Variants in OTOA observed in about 807,000 individuals in gnomAD.
OTOA encodes the protein cancer/testis antigen 108.
OTOA carries 70 observed loss-of-function variants against 110.8 expected under a neutral mutation model. The ratio of observed to expected loss-of-function variants is 0.63; its 90% CI spans 0.52 to 0.77. The LOEUF is 0.77. Ranked by LOEUF, OTOA falls within the 30% of genes least tolerant of loss-of-function variation. OTOA has a pLI of 0.00. For synonymous variants in OTOA, 373 were observed against 431.5 expected, an observed-to-expected ratio of 0.86 and a Z score of 1.68; for missense variants, 917 against 1,075.8, an observed-to-expected ratio of 0.85 and a Z score of 2.06.
At chr16:21,719,294 AG>A in intron 16 of OTOA, 92 bp from the exon 17 acceptor site, 2 of 1,557,386 alleles carry the variant, frequency 1.3e-6, no homozygotes, top group South Asian at 2.2e-5. Context: ...TCACATCTGT[AG>A]CTTGTATCTG....
At chr16:21,732,467 GTCTTTTATCCC>G in intron 21 of OTOA, among the ~76,000 whole-genome samples, 1 of 152,128 alleles carries the variant, frequency 6.6e-6, no homozygotes, top group South Asian at 2.1e-4. Flanking sequence ...CATATTTGTA[GTCTTTTATCCC>G]TTGGCCCCTC....
chr16:21,720,914 T>C (rs1597840843), intron 17 of OTOA, among the ~76,000 whole-genome samples: 1 of 149,456 alleles, frequency 6.7e-6, no homozygotes, highest in Admixed American at 6.7e-5. Context: ...TTATTATTAT[T>C]ATTATTATCA....
At chr16:21,673,783 T>TTGTG (rs1212231756) in intron 1 of OTOA, among the ~76,000 whole-genome samples, 28 of 152,044 alleles carry the variant, frequency 1.8e-4, no homozygotes, top group Non-Finnish European at 1.8e-4. Context: ...TGTACAGGTT[T>TTGTG]TGTTTGTTTG....
chr16:21,755,428 A>G (rs1899947660), intron 27 of OTOA, among the ~76,000 whole-genome samples: 2 of 94,642 alleles, frequency 2.1e-5, no homozygotes, highest in African/African-American at 7.7e-5. Flanking sequence ...CCAAAAAAGT[A>G]CCTCTCTGAC....
At position 21,736,417 on chromosome 16, in the gene OTOA, A is replaced by G. The variant is rs17251310; in HGVS notation, c.2431+27A>G. On this transcript the variant is annotated intron_variant, in intron 22 of 28. Coordinates refer to ENST00000646100, the MANE Select transcript of OTOA (RefSeq NM_144672.4). ...TGAGTGTTTTCAGGGTATCTGAGCCATTGCTGACATAGTAATTAATGTTTT... is the reference window on the plus strand; with the variant it reads ...TGAGTGTTTTCAGGGTATCTGAGCCGTTGCTGACATAGTAATTAATGTTTT... 168,904 of 1,613,042 alleles carry G rather than the reference A, an allele frequency of 0.1. 9,069 individuals are homozygous for G. Among genetic ancestry groups the G allele is most frequent in the Middle Eastern group, 0.18 (1,068 of 6,048 alleles).
chr16:21,697,699 T>G, intron 9 of OTOA, 76 bp from the exon 10 acceptor site: 2 of 1,288,948 alleles, frequency 1.6e-6, no homozygotes, highest in East Asian at 4.6e-5. Flanking sequence ...GCAAAGATGC[T>G]GTTGACTATC....
intron 1 of OTOA, among the ~76,000 whole-genome samples, chr16:21,665,591 A>G (rs533650863): frequency 8.5e-4 from 130 of 152,290 alleles, no homozygotes; most frequent in African/African-American, 2.8e-3. Flanking sequence ...TGGAAAGAGT[A>G]AATGGCAGGG....
intron 9 of OTOA, among the ~76,000 whole-genome samples, chr16:21,697,207 G>A (rs1331759049): frequency 6.6e-6 from 1 of 152,056 alleles, no homozygotes; most frequent in Non-Finnish European, 1.5e-5. Context: ...GTGGCCAGGT[G>A]ACACAGATGT....
chr16:21,750,353 T>C (rs369051728), intron 24 of OTOA, among the ~76,000 whole-genome samples: 3,945 of 126,460 alleles, frequency 0.031, 5 homozygotes, highest in East Asian at 0.27. Context: ...AGGGAGGTTG[T>C]AGTGAGCAGA....
At chr16:21,719,270 G>T in intron 16 of OTOA, 79 bp downstream of exon 16, 1 of 1,582,676 alleles carries the variant, frequency 6.3e-7, no homozygotes, top group Non-Finnish European at 8.7e-7. Flanking sequence ...TTTCCAGGTG[G>T]GAGAGTTAGG....
intron 14 of OTOA, among the ~76,000 whole-genome samples, chr16:21,715,791 T>C (rs188376120): frequency 4.6e-4 from 70 of 151,896 alleles, no homozygotes; most frequent in African/African-American, 1.6e-3. Context: ...GTGCTGGGAT[T>C]ATAGGTGTGA....
At chr16:21,713,380 G>A (rs1166450749) in intron 13 of OTOA, among the ~76,000 whole-genome samples, 3 of 152,136 alleles carry the variant, frequency 2.0e-5, no homozygotes, top group Non-Finnish European at 4.4e-5. Context: ...GCAGGATGTC[G>A]GTAGAGAGGG....
chr16:21,723,014 AG>A, intron 18 of OTOA, 36 bp downstream of exon 18: 1 of 1,601,060 alleles, frequency 6.2e-7, no homozygotes, highest in Non-Finnish European at 8.6e-7. Flanking sequence ...CTGGCTCATC[AG>A]TGAGATCGGT....
chr16:21,702,636 C>G (rs1026670593), intron 11 of OTOA, among the ~76,000 whole-genome samples: 2 of 152,166 alleles, frequency 1.3e-5, no homozygotes, highest in Admixed American at 1.3e-4. Context: ...GATTTGCACA[C>G]TTGACACATA....
chr16:21,749,704 GAC>G (rs1899764131), intron 24 of OTOA, among the ~76,000 whole-genome samples: 1 of 114,806 alleles, frequency 8.7e-6, no homozygotes, highest in Non-Finnish European at 1.7e-5. Context: ...TATTTTGTGA[GAC>G]AGAGTCTCCC....
At chr16:21,668,589 T>G (rs1054817215) in intron 1 of OTOA, among the ~76,000 whole-genome samples, 1 of 151,216 alleles carries the variant, frequency 6.6e-6, no homozygotes, top group Non-Finnish European at 1.5e-5. Context: ...GCCTCCCGAG[T>G]AGCTGGGATT....
At chr16:21,675,794 A>G (rs1966856628) in intron 1 of OTOA, among the ~76,000 whole-genome samples, 1 of 151,842 alleles carries the variant, frequency 6.6e-6, no homozygotes, top group Non-Finnish European at 1.5e-5. Flanking sequence ...TCCAGAGTGT[A>G]TTTATAATAA....
chr16:21,733,796 T>G (rs1372299419), intron 21 of OTOA, among the ~76,000 whole-genome samples: 1 of 151,912 alleles, frequency 6.6e-6, no homozygotes, highest in Non-Finnish European at 1.5e-5. Context: ...GTTAGGCAAT[T>G]CTTTTTTTCT....
intron 17 of OTOA, among the ~76,000 whole-genome samples, chr16:21,722,220 C>T (rs1898771682): frequency 6.7e-6 from 1 of 148,644 alleles, no homozygotes; most frequent in Non-Finnish European, 1.5e-5. Context: ...TGAGATTACA[C>T]CACTGTACTA....
Sources: allele counts gnomAD v4.1 joint callset (sites outside exome capture counted in the v4.1 genomes callset), GRCh38; gene constraint gnomAD v4.1.1; transcripts MANE v1.5; gene names NCBI Gene and HGNC (gene_info 2026-07-23, HGNC 2026-07-21).